The following ASTN2 variants were observed in gnomAD, a reference collection of about 807,000 sequenced individuals.
ASTN2 encodes the protein astrotactin 2, also known as astrotactin-2.
Under a neutral mutation model 139.8 loss-of-function variants are expected in ASTN2, and 54 were observed. The observed-to-expected ratio is 0.39, with a 90% CI of 0.31 to 0.48. The LOEUF is 0.48. Ranked by LOEUF, ASTN2 falls within the 20% of genes least tolerant of loss-of-function variation. The pLI is 0.95. For missense variants in ASTN2, 1,565 were observed against 1,725.1 expected (o/e 0.91, Z 1.64); for synonymous variants, 756 against 719.5 (o/e 1.05, Z -0.81).
intron 5 of ASTN2, among the ~76,000 whole-genome samples, chr9:117,053,645 C>A (rs1219579928): frequency 6.6e-6 from 1 of 152,136 alleles, no homozygotes; most frequent in Non-Finnish European, 1.5e-5. Context: ...GTTTGTTGAC[C>A]ATCAAGGGCC....
intron 19 of ASTN2, among the ~76,000 whole-genome samples, chr9:116,571,544 C>T (rs544744287): frequency 6.6e-6 from 1 of 152,210 alleles, no homozygotes; most frequent in East Asian, 1.9e-4. Context: ...GTGGGTGCTA[C>T]GTGAGTGGAT....
chr9:117,165,474 G>T (rs578219333), intron 3 of ASTN2, among the ~76,000 whole-genome samples: 1 of 152,174 alleles, frequency 6.6e-6, no homozygotes, highest in Admixed American at 6.5e-5. Flanking sequence ...AGATTGAAGT[G>T]ATTCCCATAC....
intron 7 of ASTN2, among the ~76,000 whole-genome samples, chr9:116,993,876 A>ATATATATTTTTT (rs1030120382): frequency 0.024 from 3,363 of 141,834 alleles, 48 homozygotes; most frequent in Non-Finnish European, 0.035. Context: ...ATATATATAT[A>ATATATATTTTTT]TTTTAACTAT....
chr9:116,497,042 C>A (rs967193053), intron 19 of ASTN2, among the ~76,000 whole-genome samples: 3 of 152,140 alleles, frequency 2.0e-5, no homozygotes, highest in Non-Finnish European at 2.9e-5. Flanking sequence ...TTTCCCCACA[C>A]TTTTTTAAAG....
At chr9:117,365,297 GAAAAAGAAAGAAAGAAAA>G (rs949286660) in intron 1 of ASTN2, among the ~76,000 whole-genome samples, 3 of 144,576 alleles carry the variant, frequency 2.1e-5, no homozygotes, top group Non-Finnish European at 4.5e-5. Flanking sequence ...GAAATAGAAA[GAAAAAGAAAGAAAGAAAA>G]AGAAAGAAAG....
chr9:117,294,594 A>T (rs1834681486), intron 1 of ASTN2, among the ~76,000 whole-genome samples: 1 of 152,246 alleles, frequency 6.6e-6, no homozygotes, highest in South Asian at 2.1e-4. Context: ...TAAATGAGAC[A>T]TAGCCTTGCC....
intron 5 of ASTN2, among the ~76,000 whole-genome samples, chr9:117,081,737 A>G (rs1165079706): frequency 1.3e-5 from 2 of 152,208 alleles, no homozygotes; most frequent in Admixed American, 1.3e-4. Context: ...CTGGCCTTGA[A>G]TAAACATGTT....
chr9:116,503,955 G>T (rs2119152784), intron 19 of ASTN2, among the ~76,000 whole-genome samples: 1 of 152,222 alleles, frequency 6.6e-6, no homozygotes, highest in East Asian at 1.9e-4. Flanking sequence ...GCTCTCCATA[G>T]TCCCAAAGCT....
chr9:117,054,511 T>A, intron 5 of ASTN2, among the ~76,000 whole-genome samples: 1 of 152,052 alleles, frequency 6.6e-6, no homozygotes, highest in East Asian at 1.9e-4. Flanking sequence ...TAAACAGAGG[T>A]AGCAGAGATC....
intron 13 of ASTN2, among the ~76,000 whole-genome samples, chr9:116,770,418 T>A (rs1415222414): frequency 2.0e-5 from 3 of 152,160 alleles, no homozygotes; most frequent in Non-Finnish European, 4.4e-5. Context: ...ATGTGCCAGG[T>A]GCCTTATATA....
At chr9:117,043,725 C>T (rs762141264) in intron 5 of ASTN2, among the ~76,000 whole-genome samples, 7 of 151,816 alleles carry the variant, frequency 4.6e-5, no homozygotes, top group Non-Finnish European at 7.4e-5. Context: ...CTGGCCAACA[C>T]GGCAAAACCC....
intron 10 of ASTN2, among the ~76,000 whole-genome samples, chr9:116,901,327 C>T (rs1834005949): frequency 6.6e-6 from 1 of 151,986 alleles, no homozygotes; most frequent in South Asian, 2.1e-4. Flanking sequence ...GCCTGGGTAA[C>T]ATAGTAAAAC....
At chr9:116,703,692 A>G (rs1300246679) in intron 16 of ASTN2, among the ~76,000 whole-genome samples, 1 of 150,514 alleles carries the variant, frequency 6.6e-6, no homozygotes, top group Non-Finnish European at 1.5e-5. Context: ...TAACCTGCAC[A>G]ATGTGCACAT....
chr9:116,707,647 A>G (rs1225758444), intron 16 of ASTN2, among the ~76,000 whole-genome samples: 5 of 152,210 alleles, frequency 3.3e-5, no homozygotes, highest in Non-Finnish European at 7.3e-5. Context: ...TTGGAAATCC[A>G]AAATTAAAGA....
chr9:116,795,632 T>C (rs1308206660), intron 13 of ASTN2, among the ~76,000 whole-genome samples: 1 of 152,160 alleles, frequency 6.6e-6, no homozygotes. Context: ...TACCAAAACA[T>C]GAGCTGCTTA....
At chr9:117,098,041 G>T (rs1463980830) in intron 4 of ASTN2, among the ~76,000 whole-genome samples, 1 of 152,172 alleles carries the variant, frequency 6.6e-6, no homozygotes, top group Non-Finnish European at 1.5e-5. Flanking sequence ...TACTTGCATA[G>T]TCACACAGCA....
intron 19 of ASTN2, among the ~76,000 whole-genome samples, chr9:116,531,180 CT>C (rs1432931196): frequency 1.3e-5 from 2 of 152,122 alleles, no homozygotes; most frequent in Non-Finnish European, 2.9e-5. Context: ...CACTTATCAT[CT>C]GTGTTGTGTT....
chr9:117,265,062 C>A (rs760072150), intron 2 of ASTN2, among the ~76,000 whole-genome samples: 6 of 152,138 alleles, frequency 3.9e-5, no homozygotes, highest in African/African-American at 7.2e-5. Flanking sequence ...CCCTTCTGAG[C>A]CCAAAATCCC....
At chr9:116,889,253 G>GGAGCA (rs1316482497) in intron 10 of ASTN2, among the ~76,000 whole-genome samples, 2 of 152,096 alleles carry the variant, frequency 1.3e-5, no homozygotes, top group Non-Finnish European at 2.9e-5. Context: ...AAGGCAAGAG[G>GGAGCA]GAGCAGGGAA....
Sources: allele counts gnomAD v4.1 joint callset (sites outside exome capture counted in the v4.1 genomes callset), GRCh38; gene constraint gnomAD v4.1.1; transcripts MANE v1.5; gene names NCBI Gene and HGNC (gene_info 2026-07-23, HGNC 2026-07-21).